Variants in ST6GALNAC3 observed in about 807,000 individuals in gnomAD.
The protein encoded by ST6GALNAC3 is alpha-N-acetylgalactosaminide alpha-2,6-sialyltransferase 3.
ST6GALNAC3 carries 25 observed loss-of-function variants against 32.7 expected under a neutral mutation model. The ratio of observed to expected loss-of-function variants is 0.76; its 90% CI spans 0.56 to 1.07. ST6GALNAC3 has a LOEUF of 1.07. Ranked by LOEUF, ST6GALNAC3 falls within the 50% of genes least tolerant of loss-of-function variation. The pLI, the probability that ST6GALNAC3 is intolerant of heterozygous loss-of-function variation, is 0.00. For synonymous variants in ST6GALNAC3, 129 were observed against 133.1 expected (o/e 0.97, Z 0.21); for missense variants, 355 against 382.4 (o/e 0.93, Z 0.60).
chr1:76,453,231 GT>G (rs1657534158), intron 3 of ST6GALNAC3, among the ~76,000 whole-genome samples: 3 of 151,720 alleles, frequency 2.0e-5, no homozygotes, highest in Admixed American at 6.6e-5. Context: ...AAATAACCAG[GT>G]TTTGTCTCAT....
rs563643535 is a variant in ST6GALNAC3, at chr1:76,302,454, G to A, written c.19-11351G>A. On this transcript the variant is annotated intron_variant, in intron 1 of 4. Coordinates refer to ENST00000328299, the MANE Select transcript of ST6GALNAC3 (RefSeq NM_152996.4). ...TTTCTGGCATATTCTAGTGCTAAGG[G>A]AATAGCTGTTTGGTGTTTCAGCTTT... Among the ~76,000 whole-genome samples the A allele has an allele frequency of 1.0e-3, 154 of 152,064 alleles. 5 individuals carry two copies. Among genetic ancestry groups the A allele is most frequent in the Non-Finnish European group, 1.2e-3 (79 of 67,940 alleles).
intron 1 of ST6GALNAC3, among the ~76,000 whole-genome samples, chr1:76,245,677 T>A (rs1397031153): frequency 1.3e-5 from 2 of 152,202 alleles, no homozygotes; most frequent in Non-Finnish European, 2.9e-5. Flanking sequence ...CTGCCTTAAT[T>A]TTATTATTTA....
chr1:76,142,817 G>A (rs1650413318), intron 1 of ST6GALNAC3: 1 of 448,946 alleles, frequency 2.2e-6, no homozygotes. Flanking sequence ...TGTCTTGAAT[G>A]CCTGCCTTTT....
rs142280731 is a variant in ST6GALNAC3, at chr1:76,211,524, T to G, written c.19-102281T>G. ...AGGCACTATTCACAATAGCAAAGAC[T>G]TGGACCCAAGTCAAATGTCCAACAA... On this transcript the variant is annotated intron_variant, in intron 1 of 4. Transcript: ENST00000328299. Among the ~76,000 whole-genome samples the G allele has an allele frequency of 8.2e-3, 1,253 of 152,334 alleles. 20 individuals carry two copies. Among genetic ancestry groups the G allele is most frequent in the African/African-American group, 0.029 (1,195 of 41,584 alleles).
At chr1:76,448,355 G>A (rs1444439547) in intron 3 of ST6GALNAC3, among the ~76,000 whole-genome samples, 1 of 152,186 alleles carries the variant, frequency 6.6e-6, no homozygotes, top group Non-Finnish European at 1.5e-5. Flanking sequence ...AGGCTCATAG[G>A]CAGAAGGGAC....
At chr1:76,452,711 T>C (rs952650303) in intron 3 of ST6GALNAC3, among the ~76,000 whole-genome samples, 1 of 152,210 alleles carries the variant, frequency 6.6e-6, no homozygotes, top group Non-Finnish European at 1.5e-5. Flanking sequence ...TGCACCTATG[T>C]TCATCAGAGA....
intron 1 of ST6GALNAC3, among the ~76,000 whole-genome samples, chr1:76,205,880 T>C (rs1654794987): frequency 6.6e-6 from 1 of 152,212 alleles, no homozygotes; most frequent in Non-Finnish European, 1.5e-5. Flanking sequence ...TGAATGTCAG[T>C]GTTATTTTCC....
At chr1:76,157,201 G>A (rs1651510550) in intron 1 of ST6GALNAC3, among the ~76,000 whole-genome samples, 1 of 152,188 alleles carries the variant, frequency 6.6e-6, no homozygotes, top group African/African-American at 2.4e-5. Context: ...ATATCTGTAT[G>A]TAACCATTGG....
chr1:76,209,196 T>G (rs1412162173), intron 1 of ST6GALNAC3, among the ~76,000 whole-genome samples: 2 of 152,178 alleles, frequency 1.3e-5, no homozygotes, highest in Non-Finnish European at 2.9e-5. Flanking sequence ...TTTTTGAGGT[T>G]GTGTCTATTA....
At chr1:76,537,902 A>G (rs1663723516) in intron 3 of ST6GALNAC3, among the ~76,000 whole-genome samples, 1 of 152,044 alleles carries the variant, frequency 6.6e-6, no homozygotes. Flanking sequence ...AAAAAAGACC[A>G]TGACCAGATG....
intron 3 of ST6GALNAC3, among the ~76,000 whole-genome samples, chr1:76,416,814 G>C (rs1654668791): frequency 6.6e-6 from 1 of 151,804 alleles, no homozygotes; most frequent in African/African-American, 2.4e-5. Flanking sequence ...TTTTAGTAGA[G>C]ATGGGGTTTC....
At chr1:76,484,864 T>C (rs2101669206) in intron 3 of ST6GALNAC3, among the ~76,000 whole-genome samples, 1 of 152,312 alleles carries the variant, frequency 6.6e-6, no homozygotes, top group South Asian at 2.1e-4. Flanking sequence ...GGGTTTGTCA[T>C]AAATAGCTCT....
chr1:76,381,361 A>G (rs1269025007), intron 2 of ST6GALNAC3, among the ~76,000 whole-genome samples: 1 of 152,172 alleles, frequency 6.6e-6, no homozygotes, highest in Non-Finnish European at 1.5e-5. Flanking sequence ...GTCTGGAGTG[A>G]GGACTCCTCG....
At chr1:76,365,729 G>A (rs1018512769) in intron 2 of ST6GALNAC3, among the ~76,000 whole-genome samples, 1 of 152,114 alleles carries the variant, frequency 6.6e-6, no homozygotes, top group Non-Finnish European at 1.5e-5. Context: ...TTACAATAAT[G>A]ACAAGCATGG....
chr1:76,357,505 A>G (rs1649578510), intron 2 of ST6GALNAC3, among the ~76,000 whole-genome samples: 1 of 152,114 alleles, frequency 6.6e-6, no homozygotes, highest in Admixed American at 6.6e-5. Context: ...AAGATCTTCT[A>G]CCACATTTTT....
chr1:76,464,805 G>C (rs1410839784), intron 3 of ST6GALNAC3, among the ~76,000 whole-genome samples: 1 of 152,140 alleles, frequency 6.6e-6, no homozygotes, highest in Non-Finnish European at 1.5e-5. Context: ...GGGAGTAAAA[G>C]AATGTAGGTG....
Position 76,630,890 on chromosome 1 carries a change from C to G in ST6GALNAC3, c.*2084C>G. 1 of 985,616 alleles carries G rather than the reference C, an allele frequency of 1.0e-6. No homozygotes were observed. Among genetic ancestry groups the G allele is most frequent in the Non-Finnish European group, 1.2e-6 (1 of 829,808 alleles). The allele number at this position is 985,616 out of a possible 1,614,324, so 61.1% of individuals were successfully genotyped here. A position where few individuals can be genotyped will look rare whatever the true frequency, so the allele number is the denominator to read the frequency against. ...AGAGACAAATGTTAAAATTGCCATA[C>G]AGACTGTTTTTCCCCCTGTTGTTTC... is the stretch of plus-strand genomic sequence containing the variant. On this transcript the variant is annotated 3_prime_UTR_variant, in exon 5 of 5. Coordinates refer to ENST00000328299, the MANE Select transcript of ST6GALNAC3 (RefSeq NM_152996.4).
At chr1:76,404,321 GT>G (rs1217958023) in intron 2 of ST6GALNAC3, among the ~76,000 whole-genome samples, 1 of 152,078 alleles carries the variant, frequency 6.6e-6, no homozygotes, top group African/African-American at 2.4e-5. Flanking sequence ...ACATTTACAG[GT>G]TAGCTTGGCT....
intron 3 of ST6GALNAC3, among the ~76,000 whole-genome samples, chr1:76,472,725 T>G (rs1342048062): frequency 2.0e-5 from 3 of 152,144 alleles, no homozygotes; most frequent in Non-Finnish European, 4.4e-5. Flanking sequence ...CCAGTTTCAT[T>G]ATAAGTACTC....
Sources: allele counts gnomAD v4.1 joint callset (sites outside exome capture counted in the v4.1 genomes callset), GRCh38; gene constraint gnomAD v4.1.1; transcripts MANE v1.5; gene names NCBI Gene and HGNC (gene_info 2026-07-23, HGNC 2026-07-21).